The following LAMA3 variants were observed in gnomAD, a reference collection of about 807,000 sequenced individuals.
LAMA3 encodes the protein laminin subunit alpha-3.
A neutral mutation model predicts 402.0 loss-of-function variants in LAMA3; 281 were observed. That is an observed-to-expected ratio of 0.70 (90% confidence interval 0.63 to 0.77). The LOEUF is 0.77. Among genes scored for constraint, LAMA3 ranks in the 30% least tolerant of loss-of-function variants. LAMA3 has a pLI of 0.00. For missense variants in LAMA3, 3,840 were observed against 4,215.5 expected (o/e 0.91, Z 2.47); for synonymous variants, 1,431 against 1,558.4 (o/e 0.92, Z 1.93).
At chr18:23,948,542 G>T (rs757263007) in intron 70 of LAMA3, among the ~76,000 whole-genome samples, 15 of 151,892 alleles carry the variant, frequency 9.9e-5, no homozygotes, top group Non-Finnish European at 5.9e-5. Flanking sequence ...GGCACCATGT[G>T]CATTTATCAC....
chr18:23,819,417 T>C (rs774946016), intron 18 of LAMA3, among the ~76,000 whole-genome samples: 2 of 152,232 alleles, frequency 1.3e-5, no homozygotes, highest in Non-Finnish European at 2.9e-5. Flanking sequence ...TGTTCATCAT[T>C]ATACCTATGG....
chr18:23,950,566 C>T (rs1334062436), intron 72 of LAMA3, among the ~76,000 whole-genome samples: 1 of 152,192 alleles, frequency 6.6e-6, no homozygotes, highest in South Asian at 2.1e-4. Context: ...CCATCACTCA[C>T]AGGCCTGAGT....
intron 1 of LAMA3, among the ~76,000 whole-genome samples, chr18:23,696,202 T>G (rs2060683658): frequency 6.6e-6 from 1 of 152,252 alleles, no homozygotes; most frequent in Non-Finnish European, 1.5e-5. Flanking sequence ...CATTTCAGAC[T>G]TTTAAATTTT....
chr18:23,932,320 G>A, intron 66 of LAMA3, 29 bp downstream of exon 66: 1 of 1,612,080 alleles, frequency 6.2e-7, no homozygotes, highest in Non-Finnish European at 8.5e-7. Flanking sequence ...GTGGGTAACT[G>A]ATGAGAACGG....
chr18:23,840,377 CTTTCTTT>C (rs1210972217), intron 27 of LAMA3, among the ~76,000 whole-genome samples: 14 of 79,514 alleles, frequency 1.8e-4, no homozygotes, highest in Non-Finnish European at 2.3e-5. Context: ...AAGAACCTTT[CTTTCTTT>C]TTTTTTTTTT....
chr18:23,720,327 T>C (rs905103184), intron 2 of LAMA3, among the ~76,000 whole-genome samples: 26 of 152,174 alleles, frequency 1.7e-4, no homozygotes, highest in Non-Finnish European at 2.8e-4. Flanking sequence ...TAGAACAATT[T>C]TGCTATTAAT....
intron 70 of LAMA3, 134 bp from the exon 71 acceptor site, chr18:23,949,631 C>A: frequency 1.1e-6 from 1 of 879,690 alleles, no homozygotes; most frequent in Non-Finnish European, 1.9e-6. Flanking sequence ...AAGAACCTGA[C>A]TTGGAAGCGG....
At chr18:23,893,108 A>G (rs1431024811) in intron 42 of LAMA3, among the ~76,000 whole-genome samples, 1 of 152,128 alleles carries the variant, frequency 6.6e-6, no homozygotes, top group African/African-American at 2.4e-5. Flanking sequence ...TTAAAAGTAA[A>G]TGTGGTTTAA....
At chr18:23,857,544 C>A (rs1442677103) in intron 32 of LAMA3, among the ~76,000 whole-genome samples, 2 of 152,242 alleles carry the variant, frequency 1.3e-5, no homozygotes, top group Non-Finnish European at 2.9e-5. Context: ...CACTTATGGG[C>A]CATCTGCGGG....
chr18:23,776,242 A>T (rs2062316350), intron 10 of LAMA3, among the ~76,000 whole-genome samples: 1 of 152,174 alleles, frequency 6.6e-6, no homozygotes, highest in African/African-American at 2.4e-5. Flanking sequence ...GAGAAATATC[A>T]TGGGCTTCCA....
intron 41 of LAMA3, among the ~76,000 whole-genome samples, chr18:23,887,250 C>A (rs1456619489): frequency 6.6e-6 from 1 of 152,100 alleles, no homozygotes; most frequent in East Asian, 1.9e-4. Context: ...GATGGGAGAA[C>A]TGGGCTAAGT....
intron 8 of LAMA3, among the ~76,000 whole-genome samples, chr18:23,772,182 C>T (rs371494001): frequency 2.6e-5 from 4 of 152,028 alleles, no homozygotes; most frequent in African/African-American, 7.3e-5. Context: ...GCTGGAATTA[C>T]AGGTGTGTGC....
At position 23,840,377 on chromosome 18, in the gene LAMA3, C is replaced by CTTTTTTTTTTTTTTT. The variant is rs201657216; in HGVS notation, c.3336+451_3336+452insTTTTTTTTTTTTTTT. Among the ~76,000 whole-genome samples, 2 of 79,514 alleles carry CTTTTTTTTTTTTTTT rather than the reference C, an allele frequency of 2.5e-5. 1 individual carries two copies. Among genetic ancestry groups the CTTTTTTTTTTTTTTT allele is most frequent in the Non-Finnish European group, 4.6e-5 (2 of 43,148 alleles). 52.2% of individuals were successfully genotyped at this position (79,514 alleles called of 152,430 possible). A position where few individuals can be genotyped will look rare whatever the true frequency, so the allele number is the denominator to read the frequency against. On this transcript the variant is annotated intron_variant, in intron 27 of 74. Coordinates refer to ENST00000313654, the MANE Select transcript of LAMA3 (RefSeq NM_198129.4). ...ATAGTTATTGTAGCCAAGAACCTTT[C>CTTTTTTTTTTTTTTT]TTTCTTTTTTTTTTTTTTTTTTTGA...
intron 29 of LAMA3, among the ~76,000 whole-genome samples, chr18:23,844,243 T>C (rs1226613259): frequency 6.6e-6 from 1 of 152,242 alleles, no homozygotes; most frequent in Non-Finnish European, 1.5e-5. Context: ...GTGTTTGCTA[T>C]AGGCATATTC....
intron 25 of LAMA3, 67 bp downstream of exon 25, chr18:23,837,156 AT>A (rs2063599872): frequency 8.7e-7 from 1 of 1,149,608 alleles, no homozygotes; most frequent in South Asian, 1.3e-5. Flanking sequence ...TTTGAAGCTT[AT>A]TAAAATTTTG....
intron 12 of LAMA3, among the ~76,000 whole-genome samples, chr18:23,784,678 A>T (rs2878906): frequency 3.3e-5 from 5 of 151,950 alleles, no homozygotes; most frequent in East Asian, 3.9e-4. Flanking sequence ...GGGTCGCTGA[A>T]GGGGGGATGG....
chr18:23,798,310 G>A (rs936426224), intron 12 of LAMA3, among the ~76,000 whole-genome samples: 2 of 152,106 alleles, frequency 1.3e-5, no homozygotes, highest in Admixed American at 6.6e-5. Flanking sequence ...CAACCCCACC[G>A]ACATGACCTG....
chr18:23,697,254 T>C (rs576323434), intron 1 of LAMA3, among the ~76,000 whole-genome samples: 3 of 152,236 alleles, frequency 2.0e-5, no homozygotes, highest in African/African-American at 7.2e-5. Flanking sequence ...TGTGATCTTT[T>C]AGCCCCCAAC....
intron 2 of LAMA3, among the ~76,000 whole-genome samples, chr18:23,726,866 C>T (rs1478212947): frequency 5.3e-5 from 8 of 152,202 alleles, no homozygotes; most frequent in Admixed American, 2.6e-4. Context: ...GATCTGCCTG[C>T]CTCGGCCTCT....
Sources: allele counts gnomAD v4.1 joint callset (sites outside exome capture counted in the v4.1 genomes callset), GRCh38; gene constraint gnomAD v4.1.1; transcripts MANE v1.5; gene names NCBI Gene and HGNC (gene_info 2026-07-23, HGNC 2026-07-21).